Variants in OSBP2 observed in about 807,000 individuals in gnomAD.
OSBP2 encodes the protein oxysterol-binding protein 2.
Under a neutral mutation model 96.0 loss-of-function variants are expected in OSBP2, and 66 were observed. The ratio of observed to expected loss-of-function variants is 0.69; its 90% CI spans 0.56 to 0.84. OSBP2 has a LOEUF of 0.84. Among genes scored for constraint, OSBP2 ranks in the 40% least tolerant of loss-of-function variants. The pLI is 0.00. For missense variants in OSBP2, 1,038 were observed against 1,222.7 expected (o/e 0.85, Z 2.25); for synonymous variants, 525 against 520.9 (o/e 1.01, Z -0.11).
At chr22:30,789,308 C>A (rs1324563439) in intron 2 of OSBP2, among the ~76,000 whole-genome samples, 1 of 152,088 alleles carries the variant, frequency 6.6e-6, no homozygotes, top group Non-Finnish European at 1.5e-5. Context: ...GGGAAGAAGT[C>A]CAACCTTGAC....
chr22:30,738,754 G>A (rs1261494330), intron 1 of OSBP2, among the ~76,000 whole-genome samples: 1 of 151,614 alleles, frequency 6.6e-6, no homozygotes, highest in Non-Finnish European at 1.5e-5. Context: ...TAGAGACGGG[G>A]TTTCACCATG....
intron 8 of OSBP2, 30 bp downstream of exon 8, chr22:30,891,003 G>A (rs1417097371): frequency 8.8e-6 from 14 of 1,589,994 alleles, no homozygotes; most frequent in South Asian, 3.3e-5. Flanking sequence ...ACTGGGTGGC[G>A]CCCACCCACA....
At chr22:30,752,582 G>C (rs1041417722) in intron 2 of OSBP2, among the ~76,000 whole-genome samples, 9 of 151,930 alleles carry the variant, frequency 5.9e-5, no homozygotes, top group Admixed American at 2.6e-4. Context: ...GAGCCACCGC[G>C]CCGGGCCCAG....
At chr22:30,698,440 T>C (rs1237464051) in intron 1 of OSBP2, among the ~76,000 whole-genome samples, 4 of 149,832 alleles carry the variant, frequency 2.7e-5, no homozygotes, top group Middle Eastern at 3.5e-3. Flanking sequence ...AATTTTTCTT[T>C]TTCTTTTTTT....
intron 2 of OSBP2, chr22:30,764,128 C>T (rs933368657): frequency 3.9e-5 from 19 of 482,632 alleles, no homozygotes; most frequent in African/African-American, 2.9e-4. Context: ...GCTAGCCTAG[C>T]GCCTCAGGGG....
intron 1 of OSBP2, among the ~76,000 whole-genome samples, chr22:30,718,832 A>G (rs994439496): frequency 2.0e-5 from 3 of 152,194 alleles, no homozygotes; most frequent in Admixed American, 6.6e-5. Context: ...GCATGGGAAC[A>G]GGGCTGATGG....
Position 30,889,646 on chromosome 22 carries a change from T to TCGGGCAGGGCAGCC in OSBP2, c.1623+12_1623+25dup. 1 of 1,613,630 alleles carries TCGGGCAGGGCAGCC rather than the reference T, an allele frequency of 6.2e-7. No individual in the cohort carries two copies. Among genetic ancestry groups the TCGGGCAGGGCAGCC allele is most frequent in the Non-Finnish European group, 8.5e-7 (1 of 1,179,896 alleles). On this transcript the variant is annotated intron_variant, in intron 7 of 13. Transcript: ENST00000332585. ...CAGGATCCCCATGCCGGTGGGTGGC[T>TCGGGCAGGGCAGCC]CGGGCAGGGCAGCCCCGACAGGTCC... is the stretch of plus-strand genomic sequence containing the variant.
intron 1 of OSBP2, among the ~76,000 whole-genome samples, chr22:30,699,005 G>C (rs1172870322): frequency 6.6e-6 from 1 of 151,930 alleles, no homozygotes; most frequent in Non-Finnish European, 1.5e-5. Context: ...ACAGTGGCAC[G>C]ATCTTGGCTT....
intron 2 of OSBP2, among the ~76,000 whole-genome samples, chr22:30,813,808 C>CTT (rs113105003): frequency 1.2e-4 from 17 of 145,702 alleles, no homozygotes; most frequent in African/African-American, 3.5e-4. Flanking sequence ...GACTTTTTTT[C>CTT]TTTTTTTTTT....
intron 2 of OSBP2, among the ~76,000 whole-genome samples, chr22:30,847,024 C>CTG (rs1302489763): frequency 6.6e-6 from 1 of 152,076 alleles, no homozygotes; most frequent in Non-Finnish European, 1.5e-5. Context: ...ATCACCCTGG[C>CTG]TGGAGTACAG....
At chr22:30,716,462 G>C (rs894403019) in intron 1 of OSBP2, among the ~76,000 whole-genome samples, 1 of 150,930 alleles carries the variant, frequency 6.6e-6, no homozygotes, top group Admixed American at 6.6e-5. Flanking sequence ...TTTTGAGACA[G>C]AGTCTCACAT....
At chr22:30,855,235 A>G (rs1291805108) in intron 2 of OSBP2, among the ~76,000 whole-genome samples, 1 of 152,136 alleles carries the variant, frequency 6.6e-6, no homozygotes, top group Non-Finnish European at 1.5e-5. Context: ...AACAGGCTAT[A>G]TAGTTCTAGG....
chr22:30,865,423 G>A (rs1449204679), intron 2 of OSBP2, among the ~76,000 whole-genome samples: 3 of 152,098 alleles, frequency 2.0e-5, no homozygotes, highest in Admixed American at 2.0e-4. Flanking sequence ...TCAGGAGTTT[G>A]AGACCAGCCT....
At chr22:30,904,121 G>C (rs149266052) in intron 12 of OSBP2, among the ~76,000 whole-genome samples, 1 of 152,192 alleles carries the variant, frequency 6.6e-6, no homozygotes, top group Non-Finnish European at 1.5e-5. Flanking sequence ...GAGCAGTTGG[G>C]GGGTGGCTGG....
chr22:30,893,795 C>T (rs200520048), intron 11 of OSBP2, 22 bp from the exon 12 acceptor site: 9 of 1,602,536 alleles, frequency 5.6e-6, no homozygotes, highest in Admixed American at 1.7e-5. Flanking sequence ...TGCACCTACG[C>T]TGGTCCTGCC....
intron 1 of OSBP2, 91 bp from the exon 2 acceptor site, chr22:30,741,070 T>G: frequency 1.5e-4 from 143 of 986,162 alleles, no homozygotes; most frequent in Non-Finnish European, 2.0e-4. Context: ...TCTGAGGGTC[T>G]GAGATTCTGA....
chr22:30,700,970 C>G (rs1207475390), intron 1 of OSBP2, among the ~76,000 whole-genome samples: 1 of 151,894 alleles, frequency 6.6e-6, no homozygotes, highest in Non-Finnish European at 1.5e-5. Flanking sequence ...TGACGCATGC[C>G]TATAATCCCA....
intron 2 of OSBP2, among the ~76,000 whole-genome samples, chr22:30,805,517 T>A (rs2090916927): frequency 6.6e-6 from 1 of 152,248 alleles, no homozygotes; most frequent in South Asian, 2.1e-4. Context: ...TGTTTTATCA[T>A]CTGTAAAACG....
At chr22:30,894,951 C>G (rs1339483257) in intron 12 of OSBP2, among the ~76,000 whole-genome samples, 1 of 152,122 alleles carries the variant, frequency 6.6e-6, no homozygotes, top group Non-Finnish European at 1.5e-5. Flanking sequence ...CACCAGCAGA[C>G]CTGCACAAAA....
Sources: gnomAD v4.1 joint callset for allele counts (sites outside exome capture counted in the v4.1 genomes callset) on GRCh38, gnomAD v4.1.1 for gene constraint, MANE v1.5 for transcripts, NCBI Gene and HGNC (gene_info 2026-07-23, HGNC 2026-07-21) for gene names.